SPATA16: variants seen among roughly 807,000 people sequenced by gnomAD.
SPATA16 encodes spermatogenesis associated 16, also known as spermatogenesis-associated protein 16.
SPATA16 carries 36 observed loss-of-function variants against 63.3 expected under a neutral mutation model. The ratio of observed to expected loss-of-function variants is 0.57; its 90% CI spans 0.44 to 0.75. The LOEUF is 0.75. SPATA16 is among the 30% of genes least tolerant of loss of function. The probability of loss-of-function intolerance (pLI) is 0.00; values close to 1 mark genes in which losing one functional copy is unlikely to be tolerated. For missense variants in SPATA16, 646 were observed against 679.3 expected (o/e 0.95, Z 0.54); for synonymous variants, 203 against 216.7 (o/e 0.94, Z 0.56).
chr3:173,002,919 T>C (rs1734857821), intron 4 of SPATA16, among the ~76,000 whole-genome samples: 1 of 152,190 alleles, frequency 6.6e-6, no homozygotes, highest in African/African-American at 2.4e-5. Context: ...TACCATTGGG[T>C]TGAAACTTTA....
At chr3:173,026,339 C>A (rs1735453269) in intron 3 of SPATA16, among the ~76,000 whole-genome samples, 1 of 151,714 alleles carries the variant, frequency 6.6e-6, no homozygotes, top group African/African-American at 2.4e-5. Flanking sequence ...GATACAAATT[C>A]TTTGTAAGAT....
intron 1 of SPATA16, among the ~76,000 whole-genome samples, chr3:173,137,705 G>A (rs187825173): frequency 2.1e-4 from 32 of 152,052 alleles, no homozygotes; most frequent in Admixed American, 1.1e-3. Flanking sequence ...CTGAGAGATC[G>A]GAACTTTTGA....
intron 4 of SPATA16, among the ~76,000 whole-genome samples, chr3:172,980,419 T>C (rs1560086874): frequency 6.6e-6 from 1 of 152,224 alleles, no homozygotes. Flanking sequence ...CTATTTTCAT[T>C]TCATTGTCAT....
intron 4 of SPATA16, among the ~76,000 whole-genome samples, chr3:172,998,818 C>T (rs1734751483): frequency 6.6e-6 from 1 of 152,048 alleles, no homozygotes; most frequent in Non-Finnish European, 1.5e-5. Flanking sequence ...GATTCTTCTT[C>T]TTTAGCCTGT....
chr3:172,943,673 G>C (rs933226221), intron 6 of SPATA16, among the ~76,000 whole-genome samples: 3 of 152,210 alleles, frequency 2.0e-5, no homozygotes, highest in African/African-American at 4.8e-5. Flanking sequence ...CTGGGAGGCA[G>C]AGGTTGCAGT....
At chr3:172,935,566 G>T (rs555094273) in intron 6 of SPATA16, among the ~76,000 whole-genome samples, 2 of 152,238 alleles carry the variant, frequency 1.3e-5, no homozygotes, top group Middle Eastern at 3.4e-3. Context: ...TAAGTCAGAC[G>T]TTAGAAGGAA....
chr3:173,104,244 C>G (rs1338201356), intron 2 of SPATA16, among the ~76,000 whole-genome samples: 1 of 152,168 alleles, frequency 6.6e-6, no homozygotes, highest in Non-Finnish European at 1.5e-5. Flanking sequence ...TTCCTTTCTT[C>G]TTCTGAGCCC....
intron 10 of SPATA16, among the ~76,000 whole-genome samples, chr3:172,913,401 A>G (rs1207685158): frequency 6.6e-6 from 1 of 152,204 alleles, no homozygotes; most frequent in Non-Finnish European, 1.5e-5. Context: ...TAATGAAAAT[A>G]GAATATGAAA....
At chr3:172,975,177 G>A (rs1338280425) in intron 5 of SPATA16, among the ~76,000 whole-genome samples, 1 of 152,080 alleles carries the variant, frequency 6.6e-6, no homozygotes, top group Non-Finnish European at 1.5e-5. Flanking sequence ...AACAAGATTG[G>A]AAGGAGGCAT....
intron 2 of SPATA16, among the ~76,000 whole-genome samples, chr3:173,101,743 T>A (rs2108325961): frequency 6.6e-6 from 1 of 152,272 alleles, no homozygotes; most frequent in East Asian, 1.9e-4. Flanking sequence ...GCTTAACCTC[T>A]CAAAACCTAT....
intron 10 of SPATA16, among the ~76,000 whole-genome samples, chr3:172,894,589 T>C (rs1560059356): frequency 6.6e-6 from 1 of 152,090 alleles, no homozygotes; most frequent in Admixed American, 6.5e-5. Flanking sequence ...AAAACTATTA[T>C]GAAATTTTGC....
intron 8 of SPATA16, among the ~76,000 whole-genome samples, chr3:172,923,319 A>G (rs1471360151): frequency 6.6e-6 from 1 of 152,228 alleles, no homozygotes; most frequent in Non-Finnish European, 1.5e-5. Context: ...AATACATGGA[A>G]TCGCAAATCG....
At chr3:173,110,795 C>G (rs1363146789) in intron 2 of SPATA16, among the ~76,000 whole-genome samples, 1 of 152,186 alleles carries the variant, frequency 6.6e-6, no homozygotes, top group Admixed American at 6.5e-5. Context: ...CGGCCACTTA[C>G]GACTACGTGA....
chr3:173,072,234 T>C (rs1736692542), intron 2 of SPATA16, among the ~76,000 whole-genome samples: 1 of 152,146 alleles, frequency 6.6e-6, no homozygotes, highest in Non-Finnish European at 1.5e-5. Context: ...AATGCAGTCA[T>C]AAAAAAGAAC....
At chr3:172,981,010 G>T (rs1734298873) in intron 4 of SPATA16, among the ~76,000 whole-genome samples, 1 of 152,068 alleles carries the variant, frequency 6.6e-6, no homozygotes, top group South Asian at 2.1e-4. Flanking sequence ...AATAGTTTCC[G>T]TATTGCCTAA....
At chr3:172,895,225 A>T (rs898712907) in intron 10 of SPATA16, among the ~76,000 whole-genome samples, 3 of 152,226 alleles carry the variant, frequency 2.0e-5, no homozygotes, top group African/African-American at 4.8e-5. Flanking sequence ...GAACAGTTCC[A>T]TTACCACAAA....
At chr3:173,107,980 A>G (rs1737659027) in intron 2 of SPATA16, among the ~76,000 whole-genome samples, 1 of 152,210 alleles carries the variant, frequency 6.6e-6, no homozygotes. Context: ...ACTTCATGAC[A>G]ATTGGTTAGG....
At chr3:173,077,783 A>T (rs536192563) in intron 2 of SPATA16, among the ~76,000 whole-genome samples, 1 of 152,322 alleles carries the variant, frequency 6.6e-6, no homozygotes, top group South Asian at 2.1e-4. Context: ...TCACCCAGAC[A>T]TATAGGAGGT....
intron 5 of SPATA16, among the ~76,000 whole-genome samples, chr3:172,974,472 A>G (rs1042550881): frequency 6.6e-6 from 1 of 151,860 alleles, no homozygotes; most frequent in Non-Finnish European, 1.5e-5. Flanking sequence ...GATGGCATAG[A>G]CTTGGCACTC....
Sources: allele counts gnomAD v4.1 joint callset (sites outside exome capture counted in the v4.1 genomes callset), GRCh38; gene constraint gnomAD v4.1.1; transcripts MANE v1.5; gene names NCBI Gene and HGNC (gene_info 2026-07-23, HGNC 2026-07-21).